CDK17: variants seen among roughly 807,000 people sequenced by gnomAD.
CDK17 encodes cyclin dependent kinase 17, also known as cyclin-dependent kinase 17.
A neutral mutation model predicts 77.6 loss-of-function variants in CDK17; 24 were observed. The ratio of observed to expected loss-of-function variants is 0.31; its 90% confidence interval spans 0.22 to 0.44. The LOEUF (loss-of-function observed/expected upper bound fraction) is 0.44, where lower values mean the gene tolerates loss of function less well. Among genes scored for constraint, CDK17 ranks in the 20% least tolerant of loss-of-function variants. The probability of loss-of-function intolerance (pLI) is 1.00; values close to 1 mark genes in which losing one functional copy is unlikely to be tolerated. For missense variants in CDK17, 429 were observed against 622.5 expected (o/e 0.69, Z 3.31); for synonymous variants, 203 against 210.4 (o/e 0.96, Z 0.30).
intron 4 of CDK17, among the ~76,000 whole-genome samples, chr12:96,312,714 C>T (rs1288760220): frequency 6.6e-6 from 1 of 152,000 alleles, no homozygotes; most frequent in African/African-American, 2.4e-5. Flanking sequence ...ACTGAAATAA[C>T]AGTCACGATC....
At chr12:96,358,986 T>A (rs1412815336) in intron 1 of CDK17, among the ~76,000 whole-genome samples, 2 of 151,992 alleles carry the variant, frequency 1.3e-5, no homozygotes, top group African/African-American at 4.8e-5. Context: ...GGCTTTTTTT[T>A]TTTTTTCCTG....
chr12:96,356,821 A>G (rs1953401158), intron 1 of CDK17, among the ~76,000 whole-genome samples: 1 of 152,198 alleles, frequency 6.6e-6, no homozygotes, highest in Non-Finnish European at 1.5e-5. Flanking sequence ...ACTGAAACTT[A>G]TTTTCATTAT....
chr12:96,355,398 G>GTTTTTTTTTTT (rs58937020), intron 1 of CDK17, among the ~76,000 whole-genome samples: 1 of 72,476 alleles, frequency 1.4e-5, no homozygotes, highest in African/African-American at 6.1e-5. Context: ...TCTACATTGG[G>GTTTTTTTTTTT]TTTTTTTTTT....
chr12:96,364,808 G>A (rs997735559), intron 1 of CDK17, among the ~76,000 whole-genome samples: 5 of 152,094 alleles, frequency 3.3e-5, no homozygotes, highest in African/African-American at 1.2e-4. Context: ...AAAATTACTG[G>A]GCTGGGAATT....
Position 96,311,118 on chromosome 12 carries a change from T to C in CDK17, c.477A>G (p.Glu159=). The C allele has an allele frequency of 6.2e-7, 1 of 1,601,720 alleles. No individual in the cohort carries two copies. The highest frequency in any genetic ancestry group is 2.3e-5 in the East Asian group (1 of 44,082). The change falls in exon 5 of 17, where the codon GAA becomes GAG. Residue 159 remains glutamate (E), a synonymous_variant. Coordinates refer to ENST00000261211, the MANE Select transcript of CDK17 (RefSeq NM_002595.5). The part of the protein sequence containing the change: ...ADIRIPDGYL[E]KLQINSPPFD... ...ATGGTGGACTGTTTATCTGCAACTT[T>C]TCAAGATATCCATCAGGTATTCTGA...
chr12:96,299,914 T>G (rs1952472849), intron 6 of CDK17, among the ~76,000 whole-genome samples: 1 of 152,188 alleles, frequency 6.6e-6, no homozygotes, highest in Admixed American at 6.5e-5. Context: ...TCTTAAGAAT[T>G]TCCGTAACCT....
chr12:96,322,284 C>G (rs990585335), intron 3 of CDK17, among the ~76,000 whole-genome samples: 6 of 152,150 alleles, frequency 3.9e-5, no homozygotes, highest in East Asian at 1.9e-4. Flanking sequence ...CAGCACAATA[C>G]CCTTTAAATT....
rs577361980 is a variant in CDK17 at position 96,311,368 on chromosome 12, G to A, written c.418-191C>T. ...TTTACTGTAAGCAAAAGTATACAGC[G>A]AAGTGTTACAGAAATGAAATTTTGC... is the stretch of plus-strand genomic sequence containing the variant. On this transcript the variant is annotated intron_variant, in intron 4 of 16. Transcript: ENST00000261211. Among the ~76,000 whole-genome samples, 126 of 151,886 alleles carry A rather than the reference G, an allele frequency of 8.3e-4. 1 individual carries two copies. Among genetic ancestry groups the A allele is most frequent in the South Asian group, 3.3e-3 (16 of 4,814 alleles).
chr12:96,390,999 AT>A (rs1285786659), intron 1 of CDK17, among the ~76,000 whole-genome samples: 1 of 149,386 alleles, frequency 6.7e-6, no homozygotes, highest in African/African-American at 2.5e-5. Context: ...AGACAGGAGA[AT>A]TTACTGAACC....
chr12:96,358,343 A>G (rs1479494706), intron 1 of CDK17, among the ~76,000 whole-genome samples: 1 of 148,242 alleles, frequency 6.7e-6, no homozygotes, highest in Non-Finnish European at 1.5e-5. Context: ...GGATCTTGTC[A>G]TAAGCCCAGA....
chr12:96,355,096 T>C (rs1192847051), intron 1 of CDK17, among the ~76,000 whole-genome samples: 1 of 152,140 alleles, frequency 6.6e-6, no homozygotes, highest in African/African-American at 2.4e-5. Context: ...GTTTATGAGG[T>C]CCTGATAAGC....
At chr12:96,372,012 T>A (rs900290096) in intron 1 of CDK17, among the ~76,000 whole-genome samples, 230 of 5,270 alleles carry the variant, frequency 0.044, no homozygotes, top group African/African-American at 0.13. Flanking sequence ...AGTGTGTGTT[T>A]GTGTGTGTGT....
At chr12:96,297,190 G>A in intron 9 of CDK17, 80 bp downstream of exon 9, 2 of 809,224 alleles carry the variant, frequency 2.5e-6, no homozygotes, top group Non-Finnish European at 3.9e-6. Flanking sequence ...GAAGAGTTAT[G>A]AGGCTGGTAC....
intron 8 of CDK17, 129 bp from the exon 9 acceptor site, chr12:96,297,461 T>C (rs1300354963): frequency 1.3e-6 from 1 of 752,084 alleles, no homozygotes; most frequent in Non-Finnish European, 2.2e-6. Flanking sequence ...ACACATAATT[T>C]AATGAAAAAC....
intron 3 of CDK17, among the ~76,000 whole-genome samples, chr12:96,319,991 G>T (rs1288009402): frequency 6.6e-6 from 1 of 151,356 alleles, no homozygotes; most frequent in South Asian, 2.1e-4. Context: ...ATTCAATTAG[G>T]AAAAGAGGAA....
chr12:96,313,002 A>G (rs1047822994), intron 4 of CDK17, among the ~76,000 whole-genome samples: 6 of 152,236 alleles, frequency 3.9e-5, no homozygotes, highest in Non-Finnish European at 2.9e-5. Context: ...TTGCTAATGT[A>G]TCATTCTGTA....
At chr12:96,393,068 T>G (rs1488205078) in intron 1 of CDK17, among the ~76,000 whole-genome samples, 1 of 152,114 alleles carries the variant, frequency 6.6e-6, no homozygotes, top group Non-Finnish European at 1.5e-5. Flanking sequence ...GGACCACTTC[T>G]TAAAACCAAT....
intron 1 of CDK17, among the ~76,000 whole-genome samples, chr12:96,378,149 T>TGAA (rs1953818266): frequency 2.0e-5 from 3 of 152,216 alleles, no homozygotes; most frequent in Admixed American, 2.0e-4. Flanking sequence ...AGCTCACACT[T>TGAA]GAAAGGTGGG....
At chr12:96,315,473 G>C (rs1952698167) in intron 3 of CDK17, among the ~76,000 whole-genome samples, 2 of 152,104 alleles carry the variant, frequency 1.3e-5, no homozygotes, top group Admixed American at 1.3e-4. Flanking sequence ...TAATTTGGCA[G>C]CAAAAGTAAT....
Sources: gnomAD v4.1 joint callset for allele counts (sites outside exome capture counted in the v4.1 genomes callset) on GRCh38, gnomAD v4.1.1 for gene constraint, MANE v1.5 for transcripts, NCBI Gene and HGNC (gene_info 2026-07-23, HGNC 2026-07-21) for gene names.